Variants in GPC5 observed in about 807,000 individuals in gnomAD.
GPC5 encodes glypican-5.
GPC5 carries 47 observed loss-of-function variants against 53.9 expected under a neutral mutation model. That is an observed-to-expected ratio of 0.87 (90% CI 0.69 to 1.11). The LOEUF (loss-of-function observed/expected upper bound fraction) is 1.11, where lower values mean the gene tolerates loss of function less well. Among genes scored for constraint, GPC5 ranks in the 50% most tolerant of loss-of-function variants. The pLI is 0.00. For synonymous variants in GPC5, 286 were observed against 263.3 expected, an observed-to-expected ratio of 1.09 and a Z score of -0.84; for missense variants, 748 against 713.1, an observed-to-expected ratio of 1.05 and a Z score of -0.56.
intron 7 of GPC5, among the ~76,000 whole-genome samples, chr13:92,515,997 T>G (rs1366774657): frequency 6.6e-6 from 1 of 152,182 alleles, no homozygotes; most frequent in African/African-American, 2.4e-5. Context: ...TAGTGTGATA[T>G]TACTATTAAA....
intron 2 of GPC5, among the ~76,000 whole-genome samples, chr13:91,572,435 AG>A (rs1255516453): frequency 1.3e-5 from 2 of 152,076 alleles, no homozygotes; most frequent in Non-Finnish European, 2.9e-5. Context: ...ACAGCTCTGC[AG>A]ACTATAAGAA....
At chr13:92,080,083 G>C (rs9516009) in intron 6 of GPC5, among the ~76,000 whole-genome samples, 78,990 of 152,064 alleles carry the variant, frequency 0.52, 20,918 homozygotes, top group East Asian at 0.77. Flanking sequence ...CAGAATTGGA[G>C]GCTATTAACT....
chr13:92,268,601 C>A (rs1185418892), intron 7 of GPC5, among the ~76,000 whole-genome samples: 1 of 151,708 alleles, frequency 6.6e-6, no homozygotes, highest in Admixed American at 6.6e-5. Context: ...ATTATACACG[C>A]TCATAAAAAA....
chr13:92,493,265 A>T (rs1442342430), intron 7 of GPC5, among the ~76,000 whole-genome samples: 1 of 151,976 alleles, frequency 6.6e-6, no homozygotes, highest in Non-Finnish European at 1.5e-5. Context: ...ATTGTACATT[A>T]ATTTATATAC....
intron 5 of GPC5, among the ~76,000 whole-genome samples, chr13:91,833,331 A>C (rs563136730): frequency 6.6e-6 from 1 of 152,156 alleles, no homozygotes; most frequent in Non-Finnish European, 1.5e-5. Flanking sequence ...AAGAGCTGGT[A>C]CCATTATTTC....
chr13:92,413,543 A>G (rs1876140993), intron 7 of GPC5, among the ~76,000 whole-genome samples: 1 of 152,186 alleles, frequency 6.6e-6, no homozygotes, highest in Admixed American at 6.5e-5. Flanking sequence ...ATTTTCGTAA[A>G]CCAAATTTTA....
intron 7 of GPC5, among the ~76,000 whole-genome samples, chr13:92,473,697 G>A (rs755773232): frequency 1.3e-5 from 2 of 152,048 alleles, no homozygotes; most frequent in African/African-American, 4.8e-5. Context: ...ACACTGATGG[G>A]ATAGAAATCT....
At chr13:91,458,228 G>A (rs937762313) in intron 2 of GPC5, among the ~76,000 whole-genome samples, 1 of 152,066 alleles carries the variant, frequency 6.6e-6, no homozygotes, top group Non-Finnish European at 1.5e-5. Context: ...TAGCAGCAAG[G>A]AGGCAGCATG....
intron 7 of GPC5, among the ~76,000 whole-genome samples, chr13:92,158,474 T>C (rs1028065122): frequency 5.3e-5 from 8 of 151,990 alleles, no homozygotes; most frequent in Non-Finnish European, 1.0e-4. Context: ...AATAAACCTG[T>C]CAACTTTCCT....
intron 7 of GPC5, among the ~76,000 whole-genome samples, chr13:92,692,023 C>G (rs971455046): frequency 5.3e-5 from 8 of 152,112 alleles, no homozygotes; most frequent in Non-Finnish European, 1.0e-4. Flanking sequence ...CCTTGTCCCT[C>G]TCCTTCCCTC....
At chr13:92,017,522 A>T (rs2040717490) in intron 6 of GPC5, among the ~76,000 whole-genome samples, 1 of 152,172 alleles carries the variant, frequency 6.6e-6, no homozygotes, top group African/African-American at 2.4e-5. Flanking sequence ...TTTGTTTTAT[A>T]CATAAAGTCC....
intron 7 of GPC5, among the ~76,000 whole-genome samples, chr13:92,169,818 G>A (rs1050347755): frequency 6.6e-6 from 1 of 151,982 alleles, no homozygotes; most frequent in African/African-American, 2.4e-5. Flanking sequence ...TAAAAAACCT[G>A]TCCTTACTAA....
chr13:92,597,643 A>T (rs1471243177), intron 7 of GPC5, among the ~76,000 whole-genome samples: 1 of 152,198 alleles, frequency 6.6e-6, no homozygotes, highest in African/African-American at 2.4e-5. Flanking sequence ...TGCCAAGGAA[A>T]CAAACTAGAT....
At chr13:92,802,027 A>G (rs1466122583) in intron 7 of GPC5, among the ~76,000 whole-genome samples, 2 of 151,876 alleles carry the variant, frequency 1.3e-5, no homozygotes, top group Admixed American at 6.6e-5. Flanking sequence ...GTAGTGTACA[A>G]TAATGTCCTA....
intron 2 of GPC5, among the ~76,000 whole-genome samples, chr13:91,671,015 T>C (rs2035231953): frequency 6.6e-6 from 1 of 152,178 alleles, no homozygotes; most frequent in Admixed American, 6.5e-5. Context: ...AACAATAGGA[T>C]TTCAAGAAGT....
chr13:92,012,426 A>C (rs1369327820), intron 6 of GPC5, among the ~76,000 whole-genome samples: 1 of 152,146 alleles, frequency 6.6e-6, no homozygotes, highest in Admixed American at 6.5e-5. Flanking sequence ...TGATTTTTTT[A>C]AAAAAGAATT....
At chr13:92,300,390 A>G (rs1320249621) in intron 7 of GPC5, among the ~76,000 whole-genome samples, 2 of 152,150 alleles carry the variant, frequency 1.3e-5, no homozygotes, top group East Asian at 3.9e-4. Context: ...TAAAGCATAG[A>G]TTTTAGGCTC....
Position 92,418,731 on chromosome 13 carries a change from A to G in GPC5, c.1561+273742A>G, listed in dbSNP as rs528241492. Among the ~76,000 whole-genome samples the G allele has an allele frequency of 2.0e-5, 3 of 152,308 alleles. No homozygotes were observed. In the South Asian group the frequency reaches 6.2e-4, roughly 32 times the overall value. ...CTCAGTAATTGTTTTGTGTGCAAGAAAATTAGACAGATCAAAATTAAGCTT... is the reference window on the plus strand; with the variant it reads ...CTCAGTAATTGTTTTGTGTGCAAGAGAATTAGACAGATCAAAATTAAGCTT... On this transcript the variant is annotated intron_variant, in intron 7 of 7. Transcript: ENST00000377067.
chr13:91,756,220 A>G, intron 4 of GPC5, 75 bp from the exon 5 acceptor site: 5 of 1,068,616 alleles, frequency 4.7e-6, no homozygotes, highest in Non-Finnish European at 6.5e-6. Context: ...CATTATGTAT[A>G]ACAATACATA....
Sources: allele counts gnomAD v4.1 joint callset (sites outside exome capture counted in the v4.1 genomes callset), GRCh38; gene constraint gnomAD v4.1.1; transcripts MANE v1.5; gene names NCBI Gene and HGNC (gene_info 2026-07-23, HGNC 2026-07-21).